Variants in PCCA observed in about 807,000 individuals in gnomAD.
PCCA encodes propionyl-CoA carboxylase alpha chain, mitochondrial.
In PCCA, 74 loss-of-function variants were observed where a neutral mutation model predicts 101.3. The ratio of observed to expected loss-of-function variants is 0.73; its 90% CI spans 0.61 to 0.89. The LOEUF (loss-of-function observed/expected upper bound fraction) is 0.89, where lower values mean the gene tolerates loss of function less well. Among genes scored for constraint, PCCA ranks in the 40% least tolerant of loss-of-function variants. The pLI is 0.00. For synonymous variants in PCCA, 294 were observed against 313.6 expected, an observed-to-expected ratio of 0.94 and a Z score of 0.66; for missense variants, 891 against 907.0, an observed-to-expected ratio of 0.98 and a Z score of 0.23.
chr13:100,504,055 TG>T (rs1183567098), intron 21 of PCCA, among the ~76,000 whole-genome samples: 3 of 152,108 alleles, frequency 2.0e-5, no homozygotes, highest in Non-Finnish European at 4.4e-5. Flanking sequence ...TGTGAGAGGG[TG>T]GATTAGTAAA....
chr13:100,413,728 G>C (rs1255351806), intron 19 of PCCA, among the ~76,000 whole-genome samples: 1 of 152,086 alleles, frequency 6.6e-6, no homozygotes, highest in Non-Finnish European at 1.5e-5. Context: ...GTTACTTGTG[G>C]AACTGAGGTT....
chr13:100,151,096 C>G, intron 4 of PCCA: 3 of 1,407,146 alleles, frequency 2.1e-6, no homozygotes, highest in Non-Finnish European at 3.0e-6. Context: ...ATGCACCCAT[C>G]TTGGCTTACC....
intron 4 of PCCA, among the ~76,000 whole-genome samples, chr13:100,134,274 A>G (rs74860006): frequency 0.023 from 3,514 of 152,246 alleles, 139 homozygotes; most frequent in African/African-American, 0.081. Context: ...ATCTGTGTCT[A>G]TTCCCTTGTC....
intron 19 of PCCA, among the ~76,000 whole-genome samples, chr13:100,389,536 A>C (rs1051158342): frequency 1.3e-5 from 2 of 152,198 alleles, no homozygotes; most frequent in African/African-American, 4.8e-5. Flanking sequence ...CTTAATACCT[A>C]GGTGATGAAA....
At chr13:100,454,740 G>A (rs1329369630) in intron 21 of PCCA, among the ~76,000 whole-genome samples, 2 of 152,220 alleles carry the variant, frequency 1.3e-5, no homozygotes, top group Non-Finnish European at 2.9e-5. Context: ...CTTCTGTTGT[G>A]TAAATAAGGT....
Position 100,305,890 on chromosome 13 carries a change from A to C in PCCA, c.1285-1302A>C, listed in dbSNP as rs1010401311. The stretch of plus-strand genomic sequence containing the variant: ...TTAAGATTTTTGTATATGAATGTGA[A>C]TACGAATACAGATATCTATATTTTT... On this transcript the variant is annotated intron_variant, in intron 14 of 23. Coordinates refer to ENST00000376285, the MANE Select transcript of PCCA (RefSeq NM_000282.4). The C allele has an allele frequency of 7.4e-6, 3 of 403,666 alleles. No individual in the cohort carries two copies. In the Admixed American group the frequency reaches 1.0e-4, roughly 14 times the overall value. The allele number at this position is 403,666 out of a possible 1,614,324, so 25.0% of individuals were successfully genotyped here.
intron 2 of PCCA, among the ~76,000 whole-genome samples, chr13:100,111,500 A>C (rs889888075): frequency 6.6e-6 from 1 of 151,966 alleles, no homozygotes; most frequent in Admixed American, 6.6e-5. Context: ...TCATTTGAAG[A>C]TTTTCTTTTG....
chr13:100,523,330 CT>C, intron 22 of PCCA, among the ~76,000 whole-genome samples: 1 of 152,192 alleles, frequency 6.6e-6, no homozygotes, highest in East Asian at 1.9e-4. Context: ...ATAAATGGAA[CT>C]TGATAGATTT....
chr13:100,527,086 G>T (rs2087897293), intron 22 of PCCA, among the ~76,000 whole-genome samples: 1 of 151,724 alleles, frequency 6.6e-6, no homozygotes, highest in African/African-American at 2.4e-5. Flanking sequence ...ACAGAAATAT[G>T]TATATTTGGT....
At chr13:100,116,016 G>T (rs1271861120) in intron 4 of PCCA, among the ~76,000 whole-genome samples, 1 of 152,166 alleles carries the variant, frequency 6.6e-6, no homozygotes, top group African/African-American at 2.4e-5. Context: ...AACCTCAACA[G>T]TAGGGTCAAA....
intron 19 of PCCA, among the ~76,000 whole-genome samples, chr13:100,374,182 AAATG>A (rs1567026608): frequency 6.6e-6 from 1 of 152,118 alleles, no homozygotes. Context: ...TGCATGGTAA[AAATG>A]AAAGTTAAGT....
In PCCA at chr13:100,328,404, A is replaced by AATG. The variant is rs71199597; in HGVS notation, c.1430-2151_1430-2149dup. On this transcript the variant is annotated intron_variant, in intron 16 of 23. Transcript: ENST00000376285. Reference sequence around the variant, plus strand: ...TAATAATAATAATAATAATAATAATAATGATGATAATAATAATATATTTTA... The same window carrying AATG: ...TAATAATAATAATAATAATAATAATAATGATGATGATAATAATAATATATTTTA... Among the ~76,000 whole-genome samples, 377 of 144,760 alleles carry AATG rather than the reference A, an allele frequency of 2.6e-3. 2 individuals carry two copies. Among genetic ancestry groups the AATG allele is most frequent in the African/African-American group, 7.2e-3 (284 of 39,184 alleles). The allele number at this position is 144,760 out of a possible 152,430, so 95.0% of individuals were successfully genotyped here. A position where few individuals can be genotyped will look rare whatever the true frequency, so the allele number is the denominator to read the frequency against.
rs946602039 is a variant in PCCA at position 100,275,560 on chromosome 13, T to C, written c.1065+2214T>C. On this transcript the variant is annotated intron_variant, in intron 12 of 23. Coordinates refer to ENST00000376285, the MANE Select transcript of PCCA (RefSeq NM_000282.4). ...TATAATTTTTCAGCCCAGTTTGATATGTTTGTCTTGTATCTTGACCATTTG... is the reference window on the plus strand; with the variant it reads ...TATAATTTTTCAGCCCAGTTTGATACGTTTGTCTTGTATCTTGACCATTTG... 8.7e-4 allele frequency among the ~76,000 whole-genome samples: 132 copies of C among 152,326 alleles called. 1 individual carries two copies. The highest frequency in any genetic ancestry group is 3.0e-3 in the African/African-American group (124 of 41,580).
At chr13:100,152,781 C>T (rs2053498460) in intron 4 of PCCA, among the ~76,000 whole-genome samples, 1 of 152,040 alleles carries the variant, frequency 6.6e-6, no homozygotes, top group South Asian at 2.1e-4. Context: ...TTTGTGATAA[C>T]ATAGGAAAAA....
intron 8 of PCCA, among the ~76,000 whole-genome samples, chr13:100,250,949 T>G (rs1219402821): frequency 6.6e-6 from 1 of 152,132 alleles, no homozygotes; most frequent in Non-Finnish European, 1.5e-5. Flanking sequence ...CGTCTATGGT[T>G]TTTTCGTAGT....
chr13:100,147,067 C>T (rs901332319), intron 4 of PCCA, among the ~76,000 whole-genome samples: 6 of 150,778 alleles, frequency 4.0e-5, no homozygotes, highest in South Asian at 4.2e-4. Context: ...TAGTGTGATT[C>T]AGTTTATACC....
rs956364502 is a variant in PCCA, at chr13:100,520,583, G to C, written c.2040+5016G>C. ...CCGGAAGGCGGAGCTTGCAGTGAGCGGAGATCGCGCCACAGCACTCCAGCC... is the reference window on the plus strand; with the variant it reads ...CCGGAAGGCGGAGCTTGCAGTGAGCCGAGATCGCGCCACAGCACTCCAGCC... On this transcript the variant is annotated intron_variant, in intron 22 of 23. Coordinates refer to ENST00000376285, the MANE Select transcript of PCCA (RefSeq NM_000282.4). Among the ~76,000 whole-genome samples the C allele has an allele frequency of 5.3e-3, 778 of 146,550 alleles. 5 individuals carry two copies. Among genetic ancestry groups the C allele is most frequent in the African/African-American group, 0.017 (669 of 38,576 alleles).
chr13:100,220,135 G>A (rs2059733812), intron 7 of PCCA, among the ~76,000 whole-genome samples: 1 of 152,152 alleles, frequency 6.6e-6, no homozygotes, highest in South Asian at 2.1e-4. Flanking sequence ...AGCCCACCCT[G>A]GAAGTCTGCA....
At position 100,394,966 on chromosome 13, in the gene PCCA, T is replaced by G. The variant is rs967284851; in HGVS notation, c.1746+26392T>G. Among the ~76,000 whole-genome samples, 1 of 152,172 alleles carries G rather than the reference T, an allele frequency of 6.6e-6. No individual in the cohort carries two copies. Among genetic ancestry groups the G allele is most frequent in the Non-Finnish European group, 1.5e-5 (1 of 68,030 alleles). ...CTAATTACATTTCAGGGGGTTGTGA[T>G]CTCTCCCAGAATCCCGTTCATGCAT... On this transcript the variant is annotated intron_variant, in intron 19 of 23. Transcript: ENST00000376285. The surrounding 1 kb of genome is among the most constrained non-coding windows in gnomAD (Gnocchi z 4.3).
Sources: allele counts gnomAD v4.1 joint callset (sites outside exome capture counted in the v4.1 genomes callset), GRCh38; gene constraint gnomAD v4.1.1; non-coding constraint Gnocchi (gnomAD v3.1); transcripts MANE v1.5; gene names NCBI Gene and HGNC (gene_info 2026-07-23, HGNC 2026-07-21).